ARRDC4: variants seen among roughly 807,000 people sequenced by gnomAD.
The protein encoded by ARRDC4 is arrestin domain-containing protein 4.
Under a neutral mutation model 44.6 loss-of-function variants are expected in ARRDC4, and 40 were observed. The observed-to-expected ratio is 0.90, with a 90% CI of 0.70 to 1.17. The LOEUF (loss-of-function observed/expected upper bound fraction) is 1.17, where lower values mean the gene tolerates loss of function less well. ARRDC4 is among the 50% of genes most tolerant of loss of function. The probability of loss-of-function intolerance (pLI) is 0.00; values close to 1 mark genes in which losing one functional copy is unlikely to be tolerated. For synonymous variants in ARRDC4, 211 were observed against 221.2 expected (o/e 0.95, Z 0.41); for missense variants, 550 against 559.1 (o/e 0.98, Z 0.16).
At chr15:97,964,788 G>T (rs1899386579) in intron 1 of ARRDC4, among the ~76,000 whole-genome samples, 1 of 151,956 alleles carries the variant, frequency 6.6e-6, no homozygotes, top group South Asian at 2.1e-4. Flanking sequence ...TTGTCTTGTG[G>T]GTTTGGCTGT....
chr15:97,969,354 T>A lies in ARRDC4; in HGVS notation c.857T>A (p.Ile286Asn), dbSNP rs747414427. The A allele has an allele frequency of 5.0e-6, 8 of 1,613,372 alleles. No homozygotes were observed. The East Asian group carries it at 1.6e-4, about 31-fold the overall frequency. Reference protein sequence around the residue: ...PVTPSILDCCIIRVDYSLAVY... With the variant: ...PVTPSILDCCNIRVDYSLAVY... The stretch of plus-strand genomic sequence containing the variant: ...ACTCCATCCATCCTGGATTGCTGCA[T>A]TATCAGAGTGGACTATTCCTTAGCT... Residue 286 changes from isoleucine to asparagine, a missense_variant, in exon 5 of 8, where the codon ATT becomes AAT. Physicochemically the swap from Ile to Asn is moderately radical, Grantham distance 149 (BLOSUM62 -3). Coordinates refer to ENST00000268042, the MANE Select transcript of ARRDC4 (RefSeq NM_183376.3).
At position 97,969,584 on chromosome 15, in the gene ARRDC4, G is replaced by A. The variant is rs187826327; in HGVS notation, c.882+205G>A. On this transcript the variant is annotated intron_variant, in intron 5 of 7. Transcript: ENST00000268042. ...AATAGAATGCCATAAAAGAATTGAG[G>A]TGCATTAAGGGGTGTTTGTTATATT... 6.6e-5 allele frequency among the ~76,000 whole-genome samples: 10 copies of A among 152,218 alleles called. No homozygotes were observed. The East Asian group carries it at 1.7e-3, about 26-fold the overall frequency.
In ARRDC4 at chr15:97,971,213, A is replaced by C. The variant is rs771537633; in HGVS notation, c.*26A>C. 1 of 1,604,760 alleles carries C rather than the reference A, an allele frequency of 6.2e-7. No individual in the cohort carries two copies. Among genetic ancestry groups the C allele is most frequent in the Non-Finnish European group, 8.5e-7 (1 of 1,171,882 alleles). On this transcript the variant is annotated 3_prime_UTR_variant, in exon 8 of 8. Coordinates refer to ENST00000268042, the MANE Select transcript of ARRDC4 (RefSeq NM_183376.3). ...ACGTATTTCAGAAATCACTGTGTTC[A>C]TCATCAAATTAGAATGTTGGTTCTT...
rs190697600 is a variant in ARRDC4 at position 97,960,978 on chromosome 15, C to T, written c.117C>T (p.Ala39=). Residue 39 remains alanine, a synonymous_variant, in exon 1 of 8, where the codon GCC becomes GCT. Coordinates refer to ENST00000268042, the MANE Select transcript of ARRDC4 (RefSeq NM_183376.3). ...GCTATTCCAGCGGCGAGACAGTGGC[C>T]GGGCACGTGCTGCTGGAGGCGTCCG... ...KGCYSSGETV[A]GHVLLEASEP... The T allele has an allele frequency of 1.0e-5, 15 of 1,461,268 alleles. No homozygotes were observed. The highest frequency in any genetic ancestry group is 6.6e-5 in the South Asian group (5 of 75,684). The allele number at this position is 1,461,268 out of a possible 1,614,324, so 90.5% of individuals were successfully genotyped here.
At position 97,963,469 on chromosome 15, in the gene ARRDC4, G is replaced by T. The variant is rs77602459; in HGVS notation, c.308-2131G>T. On this transcript the variant is annotated intron_variant, in intron 1 of 7. Transcript: ENST00000268042. ...GATATAGATCCGATGTCGATTTGTT[G>T]CTTAATGAAAGGGGAACTTCATGTC... Among the ~76,000 whole-genome samples the T allele has an allele frequency of 4.9e-3, 741 of 152,288 alleles. 6 individuals carry two copies. The highest frequency in any genetic ancestry group is 0.017 in the African/African-American group (721 of 41,550).
rs1230710910 is a variant in ARRDC4 at position 97,968,277 on chromosome 15, T to A, written c.625+161T>A. ...TATATAAATAATTGATATTTAAGTA[T>A]TTTTAAAAGGAGGAATTGTTTCCAG... On this transcript the variant is annotated intron_variant, in intron 4 of 7. Transcript: ENST00000268042. The surrounding 1 kb of genome is among the most constrained non-coding windows in gnomAD (Gnocchi z 5.4). Among the ~76,000 whole-genome samples, 1 of 152,212 alleles carries A rather than the reference T, an allele frequency of 6.6e-6. No individual in the cohort carries two copies. The highest frequency in any genetic ancestry group is 1.5e-5 in the Non-Finnish European group (1 of 68,032).
At chr15:97,963,109 TGAGCC>T (rs574279929) in intron 1 of ARRDC4, among the ~76,000 whole-genome samples, 2 of 152,348 alleles carry the variant, frequency 1.3e-5, no homozygotes, top group South Asian at 4.1e-4. Context: ...TCACCCTTCC[TGAGCC>T]CCAGTCTCTG....
In ARRDC4 at chr15:97,972,594, G is replaced by A. The variant is rs1402782526; in HGVS notation, c.*1407G>A. 6.6e-6 allele frequency: 1 copy of A among 152,474 alleles called. No homozygotes were observed. The highest frequency in any genetic ancestry group is 1.5e-5 in the Non-Finnish European group (1 of 68,010). The allele number at this position is 152,474 out of a possible 1,614,324, so 9.4% of individuals were successfully genotyped here. On this transcript the variant is annotated 3_prime_UTR_variant, in exon 8 of 8. Coordinates refer to ENST00000268042, the MANE Select transcript of ARRDC4 (RefSeq NM_183376.3). The surrounding 1 kb of genome is among the most constrained non-coding windows in gnomAD (Gnocchi z 5.3). ...GAGCTGAGAGCATCTCTGGACACAT[G>A]GAAGGGAGCCAGGGATTCCTGTGAT...
chr15:97,969,080 T>C (rs920579628), intron 4 of ARRDC4, 43 bp from the exon 5 acceptor site: 4 of 1,598,312 alleles, frequency 2.5e-6, no homozygotes, highest in Non-Finnish European at 3.4e-6. Flanking sequence ...TGAGAACTTT[T>C]TCAAGAGTCT....
Position 97,960,904 on chromosome 15 carries a change from G to A in ARRDC4, c.43G>A (p.Gly15Ser), listed in dbSNP as rs1235235699. The A allele has an allele frequency of 3.5e-6, 5 of 1,430,184 alleles. No individual in the cohort carries two copies. In the East Asian group the frequency reaches 1.5e-4, roughly 44 times the overall value. The allele number at this position is 1,430,184 out of a possible 1,614,324, so 88.6% of individuals were successfully genotyped here. A position where few individuals can be genotyped will look rare whatever the true frequency, so the allele number is the denominator to read the frequency against. The change falls in exon 1 of 8, where the codon GGC becomes AGC. Residue 15 changes from glycine to serine, a missense_variant. Coordinates refer to ENST00000268042, the MANE Select transcript of ARRDC4 (RefSeq NM_183376.3). ...GTGCGCGGCGGCCGTGGGTGCCGAG[G>A]GCCGCGTGAAGAGCCTGGGTCTGGT... ...AGCAAAVGAE[G>S]RVKSLGLVFE...
chr15:97,961,061 G>C lies in ARRDC4; in HGVS notation c.200G>C (p.Trp67Ser), dbSNP rs1899305094. 18 of 1,429,316 alleles carry C rather than the reference G, an allele frequency of 1.3e-5. No homozygotes were observed. The highest frequency in any genetic ancestry group is 1.6e-5 in the Non-Finnish European group (18 of 1,096,816). 88.5% of individuals were successfully genotyped at this position (1,429,316 alleles called of 1,614,324 possible). Reference sequence around the variant, plus strand: ...GCCCAGGGGCGCGCCACCGCCGCCTGGGGCCCGAGCACCTGCCCCCGCGCC... The same window carrying C: ...GCCCAGGGGCGCGCCACCGCCGCCTCGGGCCCGAGCACCTGCCCCCGCGCC... ...LEAQGRATAA[W>S]GPSTCPRASA... The change falls in exon 1 of 8, where the codon TGG becomes TCG. Residue 67 changes from tryptophan to serine, a missense_variant. By Grantham distance (177) the Trp-to-Ser change is radical. Coordinates refer to ENST00000268042, the MANE Select transcript of ARRDC4 (RefSeq NM_183376.3).
intron 1 of ARRDC4, among the ~76,000 whole-genome samples, chr15:97,963,591 C>A (rs1899362256): frequency 6.6e-6 from 1 of 152,190 alleles, no homozygotes; most frequent in Non-Finnish European, 1.5e-5. Flanking sequence ...CCCTTCCTAT[C>A]TGTCTCCATT....
Position 97,961,126 on chromosome 15 carries a change from G to C in ARRDC4, c.265G>C (p.Glu89Gln), listed in dbSNP as rs1242498991. 2.7e-6 allele frequency: 4 copies of C among 1,459,698 alleles called. No homozygotes were observed. Among genetic ancestry groups the C allele is most frequent in the Admixed American group, 2.6e-5 (1 of 37,880 alleles). 90.4% of individuals were successfully genotyped at this position (1,459,698 alleles called of 1,614,324 possible). A position where few individuals can be genotyped will look rare whatever the true frequency, so the allele number is the denominator to read the frequency against. The change falls in exon 1 of 8, where the codon GAG becomes CAG. Residue 89 changes from glutamate to glutamine, a missense_variant. Glu to Gln is a conservative substitution (Grantham distance 29, BLOSUM62 2). Coordinates refer to ENST00000268042, the MANE Select transcript of ARRDC4 (RefSeq NM_183376.3). ...TAALAVFSEV[E>Q]YLNVRLSLRE... ...GGCCCTGGCTGTCTTCTCGGAGGTG[G>C]AGTACCTGAACGTGCGCCTCAGCCT... is the stretch of plus-strand genomic sequence containing the variant.
At position 97,971,347 on chromosome 15, in the gene ARRDC4, G is replaced by T; in HGVS notation, c.*160G>T. 1.4e-6 allele frequency: 1 copy of T among 715,972 alleles called. No individual in the cohort carries two copies. Among genetic ancestry groups the T allele is most frequent in the Non-Finnish European group, 2.3e-6 (1 of 434,634 alleles). The allele number at this position is 715,972 out of a possible 1,614,324, so 44.4% of individuals were successfully genotyped here. ...AAAGAATGTGAGAAAGTTCTGGTGGGCCGGCAGGATTGCCGCACAAGTTTA... is the reference window on the plus strand; with the variant it reads ...AAAGAATGTGAGAAAGTTCTGGTGGTCCGGCAGGATTGCCGCACAAGTTTA... On this transcript the variant is annotated 3_prime_UTR_variant, in exon 8 of 8. Coordinates refer to ENST00000268042, the MANE Select transcript of ARRDC4 (RefSeq NM_183376.3).
chr15:97,965,918 G>A lies in ARRDC4; in HGVS notation c.398G>A (p.Gly133Glu). 6.2e-7 allele frequency: 1 copy of A among 1,614,014 alleles called. No individual in the cohort carries two copies. The highest frequency in any genetic ancestry group is 8.5e-7 in the Non-Finnish European group (1 of 1,179,982). ...AGACCTTTGGTCACCTCGTTTACTG[G>A]GAAATATGGAAGCATTCAGTACTGT... The part of the protein sequence containing the change: ...PSEPLVTSFT[G>E]KYGSIQYCVR... The change falls in exon 3 of 8, where the codon GGG becomes GAG. Residue 133 changes from glycine (G) to glutamate (E), a missense_variant. Gly to Glu is a moderately conservative substitution (Grantham distance 98). Transcript: ENST00000268042. The surrounding 1 kb of genome is among the most constrained non-coding windows in gnomAD (Gnocchi z 5.1).
In ARRDC4 at chr15:97,965,750, C is replaced by T. The variant is rs1899407910; in HGVS notation, c.374+84C>T. 6.7e-7 allele frequency: 1 copy of T among 1,486,536 alleles called. No homozygotes were observed. The highest frequency in any genetic ancestry group is 9.4e-7 in the Non-Finnish European group (1 of 1,065,348). The allele number at this position is 1,486,536 out of a possible 1,614,324, so 92.1% of individuals were successfully genotyped here. On this transcript the variant is annotated intron_variant, in intron 2 of 7. Coordinates refer to ENST00000268042, the MANE Select transcript of ARRDC4 (RefSeq NM_183376.3). The surrounding 1 kb of genome is among the most constrained non-coding windows in gnomAD (Gnocchi z 5.1). ...TATCACTGCTAGGTCTCTTCTGATT[C>T]TCAAGTATGCATGTTTACACTGAAT...
Position 97,967,960 on chromosome 15 carries a change from T to C in ARRDC4, c.523-54T>C, listed in dbSNP as rs890675072. ...AAGATAGATATAATTTTAAGTTCTA[T>C]GAGTTCTCTAGAGTGGCTTAATTAA... On this transcript the variant is annotated intron_variant, in intron 3 of 7. Transcript: ENST00000268042. This position sits in a 1 kb window ranked among gnomAD's most constrained non-coding sequence, Gnocchi z 5.0. 2.1e-5 allele frequency: 24 copies of C among 1,131,846 alleles called. No individual in the cohort carries two copies. The highest frequency in any genetic ancestry group is 3.0e-5 in the Non-Finnish European group (24 of 791,422). 70.1% of individuals were successfully genotyped at this position (1,131,846 alleles called of 1,614,324 possible). A position where few individuals can be genotyped will look rare whatever the true frequency, so the allele number is the denominator to read the frequency against.
chr15:97,961,551 C>T (rs1444477400), intron 1 of ARRDC4, among the ~76,000 whole-genome samples: 3 of 152,294 alleles, frequency 2.0e-5, no homozygotes, highest in Admixed American at 6.5e-5. Context: ...CTGCGGTGCC[C>T]GTGTCCTATG....
rs1463468559 is a variant in ARRDC4, at chr15:97,960,967, G to A, written c.106G>A (p.Glu36Lys). 1.4e-6 allele frequency: 2 copies of A among 1,466,548 alleles called. No individual in the cohort carries two copies. The highest frequency in any genetic ancestry group is 1.8e-6 in the Non-Finnish European group (2 of 1,107,920). 90.8% of individuals were successfully genotyped at this position (1,466,548 alleles called of 1,614,324 possible). Residue 36 changes from glutamate to lysine, a missense_variant, in exon 1 of 8, where the codon GAG becomes AAG. Glu to Lys is a moderately conservative substitution (Grantham distance 56, BLOSUM62 1). Transcript: ENST00000268042. ...GCGCAAGGGCTGCTATTCCAGCGGC[G>A]AGACAGTGGCCGGGCACGTGCTGCT... Reference protein sequence around the residue: ...DERKGCYSSGETVAGHVLLEA... With the variant: ...DERKGCYSSGKTVAGHVLLEA...
Sources: allele counts gnomAD v4.1 joint callset (sites outside exome capture counted in the v4.1 genomes callset), GRCh38; gene constraint gnomAD v4.1.1; non-coding constraint Gnocchi (gnomAD v3.1); transcripts MANE v1.5; gene names NCBI Gene and HGNC (gene_info 2026-07-23, HGNC 2026-07-21).